TMEM132B: variants seen among roughly 807,000 people sequenced by gnomAD.
TMEM132B encodes the protein transmembrane protein 132B.
In TMEM132B, 18 loss-of-function variants were observed where a neutral mutation model predicts 90.8. That is an observed-to-expected ratio of 0.20 (90% CI 0.14 to 0.29). The LOEUF is 0.29. Ranked by LOEUF, TMEM132B falls within the 10% of genes least tolerant of loss-of-function variation. TMEM132B has a pLI of 1.00. For synonymous variants in TMEM132B, 504 were observed against 523.3 expected, an observed-to-expected ratio of 0.96 and a Z score of 0.50; for missense variants, 1,096 against 1,326.8, an observed-to-expected ratio of 0.83 and a Z score of 2.70.
chr12:125,381,068 C>T (rs1389677376), intron 2 of TMEM132B, among the ~76,000 whole-genome samples: 1 of 152,212 alleles, frequency 6.6e-6, no homozygotes, highest in African/African-American at 2.4e-5. Flanking sequence ...TTGTGTTGGC[C>T]TTGCTACTAA....
At chr12:125,455,472 A>G (rs1277709480) in intron 3 of TMEM132B, among the ~76,000 whole-genome samples, 1 of 152,182 alleles carries the variant, frequency 6.6e-6, no homozygotes, top group Non-Finnish European at 1.5e-5. Context: ...AGAAATTTGC[A>G]AGGAGATGTT....
At chr12:125,550,946 G>T (rs1162231879) in intron 4 of TMEM132B, among the ~76,000 whole-genome samples, 3 of 152,162 alleles carry the variant, frequency 2.0e-5, no homozygotes, top group Admixed American at 2.0e-4. Flanking sequence ...CCAATTAGCT[G>T]GGATTACAGT....
Position 125,315,130 on chromosome 12 carries a change from G to A in TMEM132B, c.68-34322G>A, listed in dbSNP as rs567697606. 1.1e-4 allele frequency among the ~76,000 whole-genome samples: 16 copies of A among 152,302 alleles called. No individual in the cohort carries two copies. The South Asian group carries it at 3.3e-3, about 32-fold the overall frequency. On this transcript the variant is annotated intron_variant, in intron 1 of 8. Transcript: ENST00000682704. Reference sequence around the variant, plus strand: ...CAGAAGGAAGTAGGTTAGGGGTTAGGGAGTCAGCACAGCAGCAAATCCAGC... The same window carrying A: ...CAGAAGGAAGTAGGTTAGGGGTTAGAGAGTCAGCACAGCAGCAAATCCAGC...
intron 4 of TMEM132B, among the ~76,000 whole-genome samples, chr12:125,559,818 C>A (rs190140201): frequency 6.6e-6 from 1 of 152,210 alleles, no homozygotes; most frequent in East Asian, 1.9e-4. Flanking sequence ...TTGACACATG[C>A]GTCCTGAATG....
At chr12:125,651,057 T>G (rs1433659467) in intron 7 of TMEM132B, 104 bp downstream of exon 7, 21 of 1,448,298 alleles carry the variant, frequency 1.4e-5, no homozygotes, top group Non-Finnish European at 2.0e-5. Flanking sequence ...CATGTGGACA[T>G]GTATATCAAC....
intron 1 of TMEM132B, among the ~76,000 whole-genome samples, chr12:125,191,344 T>C (rs1872783701): frequency 6.6e-6 from 1 of 152,096 alleles, no homozygotes; most frequent in African/African-American, 2.4e-5. Flanking sequence ...TGCTCACCAC[T>C]CTGGCAAGTG....
chr12:125,616,432 C>A (rs1885988325), intron 5 of TMEM132B, among the ~76,000 whole-genome samples: 1 of 152,046 alleles, frequency 6.6e-6, no homozygotes. Flanking sequence ...GTAGCTGAAA[C>A]CCCACAAGGA....
At chr12:125,611,629 T>C (rs1333990567) in intron 5 of TMEM132B, among the ~76,000 whole-genome samples, 3 of 152,142 alleles carry the variant, frequency 2.0e-5, no homozygotes, top group African/African-American at 7.2e-5. Context: ...AACCTCATAA[T>C]GTTTTCTAAT....
At position 125,653,673 on chromosome 12, in the gene TMEM132B, G is replaced by T. The variant is rs757339562; in HGVS notation, c.2215G>T (p.Val739Leu). 1 of 1,614,156 alleles carries T rather than the reference G, an allele frequency of 6.2e-7. No individual in the cohort carries two copies. Among genetic ancestry groups the T allele is most frequent in the East Asian group, 2.2e-5 (1 of 44,882 alleles). ...SVTVSSLDEM[V>L]VSVQANLESK... Reference sequence around the variant, plus strand: ...TACTGTCTCATCATTGGATGAAATGGTGGTGTCTGTCCAGGCAAACCTTGA... The same window carrying T: ...TACTGTCTCATCATTGGATGAAATGTTGGTGTCTGTCCAGGCAAACCTTGA... Residue 739 changes from valine to leucine, a missense_variant, in exon 9 of 9, where the codon GTG (valine) becomes TTG (leucine). Physicochemically the swap from Val to Leu is conservative, Grantham distance 32 (BLOSUM62 1). Transcript: ENST00000682704.
intron 1 of TMEM132B, among the ~76,000 whole-genome samples, chr12:125,232,333 G>T (rs1873847434): frequency 6.6e-6 from 1 of 152,034 alleles, no homozygotes; most frequent in Non-Finnish European, 1.5e-5. Flanking sequence ...ATTTGAAGAA[G>T]ATAGAAGTTT....
chr12:125,655,965 T>C lies in TMEM132B; in HGVS notation c.*1255T>C, dbSNP rs1245611340. The C allele has an allele frequency of 6.7e-6, 1 of 149,490 alleles. No homozygotes were observed. Among genetic ancestry groups the C allele is most frequent in the Non-Finnish European group, 1.5e-5 (1 of 67,542 alleles). The allele number at this position is 149,490 out of a possible 1,614,324, so 9.3% of individuals were successfully genotyped here. On this transcript the variant is annotated 3_prime_UTR_variant, in exon 9 of 9. Coordinates refer to ENST00000682704, the MANE Select transcript of TMEM132B (RefSeq NM_001366854.1). ...AGAAGCAGTGGGTTTCCCCCCAAAA[T>C]CCATACAAATAAATGACTATTCCAG...
chr12:125,505,191 A>G (rs1023500653), intron 3 of TMEM132B, among the ~76,000 whole-genome samples: 1 of 148,902 alleles, frequency 6.7e-6, no homozygotes, highest in Non-Finnish European at 1.5e-5. Flanking sequence ...AAAAAAAAAA[A>G]AAAACAGTAA....
intron 4 of TMEM132B, among the ~76,000 whole-genome samples, chr12:125,559,818 C>T (rs190140201): frequency 1.3e-5 from 2 of 152,092 alleles, no homozygotes; most frequent in Admixed American, 6.5e-5. Context: ...TTGACACATG[C>T]GTCCTGAATG....
chr12:125,242,822 C>A (rs1461588146), intron 1 of TMEM132B, among the ~76,000 whole-genome samples: 12 of 152,170 alleles, frequency 7.9e-5, no homozygotes, highest in Admixed American at 7.8e-4. Context: ...TCCTGTTAGT[C>A]CACTTTCTTT....
chr12:125,593,553 T>C (rs1020863685), intron 5 of TMEM132B, among the ~76,000 whole-genome samples: 1 of 152,144 alleles, frequency 6.6e-6, no homozygotes, highest in African/African-American at 2.4e-5. Context: ...ACTAGAGAAT[T>C]GGCGTGTGAA....
intron 3 of TMEM132B, among the ~76,000 whole-genome samples, chr12:125,433,452 T>C (rs1415829638): frequency 6.6e-6 from 1 of 152,130 alleles, no homozygotes; most frequent in African/African-American, 2.4e-5. Flanking sequence ...GAGTCTCAGC[T>C]GACTGCCCTC....
intron 3 of TMEM132B, among the ~76,000 whole-genome samples, chr12:125,516,539 G>A (rs1883167524): frequency 6.6e-6 from 1 of 152,230 alleles, no homozygotes; most frequent in Non-Finnish European, 1.5e-5. Context: ...GCAGGTTCCT[G>A]CAGCTGGTCC....
intron 1 of TMEM132B, among the ~76,000 whole-genome samples, chr12:125,311,148 C>T (rs3847936): frequency 0.18 from 26,653 of 152,102 alleles, 2,347 homozygotes; most frequent in Non-Finnish European, 0.19. Context: ...AATCCTGCAG[C>T]AGTGGCCCTT....
At chr12:125,433,020 G>A (rs1387803800) in intron 3 of TMEM132B, among the ~76,000 whole-genome samples, 1 of 152,204 alleles carries the variant, frequency 6.6e-6, no homozygotes, top group Non-Finnish European at 1.5e-5. Context: ...TCCTTAAGCA[G>A]CACCTGCATC....
Sources: gnomAD v4.1 joint callset for allele counts (sites outside exome capture counted in the v4.1 genomes callset) on GRCh38, gnomAD v4.1.1 for gene constraint, MANE v1.5 for transcripts, NCBI Gene and HGNC (gene_info 2026-07-23, HGNC 2026-07-21) for gene names.